The following HELZ variants were observed in gnomAD, a reference collection of about 807,000 sequenced individuals.
HELZ encodes the protein helicase with zinc finger, also known as ATP-dependent RNA helicase with zinc finger domain.
HELZ carries 23 observed loss-of-function variants against 218.2 expected under a neutral mutation model. The observed-to-expected ratio is 0.11, with a 90% CI of 0.08 to 0.15. The LOEUF (loss-of-function observed/expected upper bound fraction) is 0.15. HELZ is among the 10% of genes least tolerant of loss of function. HELZ has a pLI of 1.00. For synonymous variants in HELZ, 814 were observed against 829.4 expected, an observed-to-expected ratio of 0.98 and a Z score of 0.32; for missense variants, 1,813 against 2,353.7, an observed-to-expected ratio of 0.77 and a Z score of 4.75.
chr17:67,150,130 C>CTTTTTTTTTTTTTTTTTTTTTTTTT (rs11408678), intron 18 of HELZ, 145 bp from the exon 19 acceptor site: 30 of 180,124 alleles, frequency 1.7e-4, no homozygotes, highest in East Asian at 7.0e-4. Context: ...TATTTTCTTT[C>CTTTTTTTTTTTTTTTTTTTTTTTTT]TTTTTTTTTT....
At chr17:67,139,832 G>T (rs1268346509) in intron 21 of HELZ, among the ~76,000 whole-genome samples, 1 of 152,212 alleles carries the variant, frequency 6.6e-6, no homozygotes, top group African/African-American at 2.4e-5. Flanking sequence ...ACTTTTGGCA[G>T]CTGGTAAACA....
chr17:67,193,045 A>G (rs770748634), intron 9 of HELZ, among the ~76,000 whole-genome samples: 1 of 152,202 alleles, frequency 6.6e-6, no homozygotes, highest in Non-Finnish European at 1.5e-5. Context: ...TAAATTTCAC[A>G]TTAACAAATG....
At chr17:67,235,951 G>A (rs527696774) in intron 3 of HELZ, among the ~76,000 whole-genome samples, 34 of 151,986 alleles carry the variant, frequency 2.2e-4, no homozygotes, top group South Asian at 8.3e-4. Context: ...TAGAAGAGAC[G>A]GGGTTTCATC....
intron 20 of HELZ, among the ~76,000 whole-genome samples, chr17:67,147,672 G>A (rs80057219): frequency 0.038 from 5,664 of 150,710 alleles, 377 homozygotes; most frequent in African/African-American, 0.13. Context: ...GGTAGGAAGG[G>A]GGGGTCTTTC....
Position 67,179,460 on chromosome 17 carries a change from ACTG to A in HELZ, c.1163-537_1163-535del, listed in dbSNP as rs1451990486. 12 of 152,584 alleles carry A rather than the reference ACTG, an allele frequency of 7.9e-5. 1 individual carries two copies. The highest frequency in any genetic ancestry group is 1.4e-4 in the African/African-American group (6 of 41,460). The allele number at this position is 152,584 out of a possible 1,614,324, so 9.5% of individuals were successfully genotyped here. A position where few individuals can be genotyped will look rare whatever the true frequency, so the allele number is the denominator to read the frequency against. On this transcript the variant is annotated intron_variant, in intron 12 of 32. Transcript: ENST00000358691. ...CTTTTCGAAAATATTAATGTAAAAC[ACTG>A]CTAAGTCCTTATTAAAATGCAGTAC...
chr17:67,241,627 C>T (rs141902992), intron 2 of HELZ, among the ~76,000 whole-genome samples: 8 of 152,160 alleles, frequency 5.3e-5, no homozygotes, highest in Non-Finnish European at 1.2e-4. Context: ...AAATATATAC[C>T]AACTTTAAGA....
chr17:67,160,435 A>G, intron 16 of HELZ, 73 bp from the exon 17 acceptor site: 1 of 985,790 alleles, frequency 1.0e-6, no homozygotes, highest in South Asian at 1.4e-5. Flanking sequence ...ATACCAAAAA[A>G]AAAAGCAGTG....
intron 27 of HELZ, among the ~76,000 whole-genome samples, chr17:67,119,737 A>T (rs183085547): frequency 6.6e-4 from 100 of 152,302 alleles, no homozygotes; most frequent in African/African-American, 2.3e-3. Flanking sequence ...TTAGTACACC[A>T]CAAAAATATT....
chr17:67,214,767 C>A (rs1391639889), intron 5 of HELZ, among the ~76,000 whole-genome samples: 1 of 152,168 alleles, frequency 6.6e-6, no homozygotes, highest in African/African-American at 2.4e-5. Context: ...CTCCTAGATT[C>A]ATTCTAGTAA....
Position 67,109,224 on chromosome 17 carries a change from C to G in HELZ, c.4381G>C (p.Gly1461Arg). The G allele has an allele frequency of 1.2e-6, 2 of 1,614,110 alleles. No individual in the cohort carries two copies. The highest frequency in any genetic ancestry group is 1.7e-6 in the Non-Finnish European group (2 of 1,180,022). ...EQQPPPMLQE[G>R]HSPLRAIAQP... The stretch of plus-strand genomic sequence containing the variant: ...GCAATGGCTCTCAGAGGACTGTGGC[C>G]TTCTTGCAGCATGGGAGGGGGCTGC... Residue 1461 changes from glycine (G) to arginine (R), a missense_variant, in exon 29 of 33, where the codon GGC becomes CGC. Gly to Arg is a moderately radical substitution (Grantham distance 125). Coordinates refer to ENST00000358691, the MANE Select transcript of HELZ (RefSeq NM_014877.4).
At chr17:67,132,358 C>T (rs552564232) in intron 23 of HELZ, among the ~76,000 whole-genome samples, 3 of 152,266 alleles carry the variant, frequency 2.0e-5, no homozygotes, top group African/African-American at 4.8e-5. Flanking sequence ...CTTCTCCAAA[C>T]GCCTTGGTTT....
intron 5 of HELZ, among the ~76,000 whole-genome samples, chr17:67,210,324 T>C (rs919853398): frequency 6.6e-6 from 1 of 152,254 alleles, no homozygotes; most frequent in Admixed American, 6.5e-5. Context: ...CCTATCAATT[T>C]GCCTTTTCTA....
At chr17:67,099,652 C>A (rs572533086) in intron 31 of HELZ, among the ~76,000 whole-genome samples, 1 of 152,204 alleles carries the variant, frequency 6.6e-6, no homozygotes, top group East Asian at 1.9e-4. Flanking sequence ...TGAGTAAAAA[C>A]TCCTAATTTG....
intron 31 of HELZ, among the ~76,000 whole-genome samples, chr17:67,100,169 T>G (rs902461208): frequency 6.6e-6 from 1 of 152,088 alleles, no homozygotes; most frequent in Admixed American, 6.6e-5. Flanking sequence ...AAAAGAGAAA[T>G]TGGGGGAGTC....
intron 5 of HELZ, among the ~76,000 whole-genome samples, chr17:67,208,469 T>C (rs1286997640): frequency 6.6e-6 from 1 of 152,136 alleles, no homozygotes; most frequent in African/African-American, 2.4e-5. Flanking sequence ...GGAAAGTAGG[T>C]GAAGGGTACG....
rs1049325542 is a variant in HELZ at position 67,072,906 on chromosome 17, C to T, written c.*5346G>A. 2 of 152,204 alleles carry T rather than the reference C, an allele frequency of 1.3e-5. No individual in the cohort carries two copies. Among genetic ancestry groups the T allele is most frequent in the East Asian group, 1.9e-4 (1 of 5,190 alleles). The allele number at this position is 152,204 out of a possible 1,614,324, so 9.4% of individuals were successfully genotyped here. ...GTTCCTGGACTGGCAGCATCAGCAT[C>T]GCCTGGAAACTTGTTGGAAATGCAA... is the stretch of plus-strand genomic sequence containing the variant. On this transcript the variant is annotated 3_prime_UTR_variant, in exon 33 of 33. Transcript: ENST00000358691.
chr17:67,109,420 T>C lies in HELZ; in HGVS notation c.4185A>G (p.Pro1395=). Residue 1395 remains proline (P), a synonymous_variant, in exon 29 of 33, where the codon CCA becomes CCG. Transcript: ENST00000358691. ...GCTGGACTACCTGATTTGGCTGAGG[T>C]GGTATCTGATTTGGTTGTTCAGGCA... The part of the protein sequence containing the change: ...NNLPEQPNQI[P]PQPNQVVQQQ... 2 of 1,614,046 alleles carry C rather than the reference T, an allele frequency of 1.2e-6. No individual in the cohort carries two copies. The highest frequency in any genetic ancestry group is 1.7e-6 in the Non-Finnish European group (2 of 1,179,998).
Position 67,077,090 on chromosome 17 carries a change from G to A in HELZ, c.*1162C>T, listed in dbSNP as rs2036037280. 6.6e-6 allele frequency: 1 copy of A among 152,106 alleles called. No homozygotes were observed. Among genetic ancestry groups the A allele is most frequent in the Non-Finnish European group, 1.5e-5 (1 of 67,996 alleles). 9.4% of individuals were successfully genotyped at this position (152,106 alleles called of 1,614,324 possible). Reference sequence around the variant, plus strand: ...TATATTGTGTACAAGTTCAATAAGGGGTATTTTAGAAGAATTGAAAGACAT... The same window carrying A: ...TATATTGTGTACAAGTTCAATAAGGAGTATTTTAGAAGAATTGAAAGACAT... On this transcript the variant is annotated 3_prime_UTR_variant, in exon 33 of 33. Coordinates refer to ENST00000358691, the MANE Select transcript of HELZ (RefSeq NM_014877.4).
At chr17:67,086,645 T>TAAATATAA (rs1567788004) in intron 32 of HELZ, among the ~76,000 whole-genome samples, 184 bp downstream of exon 32, 27 of 133,948 alleles carry the variant, frequency 2.0e-4, no homozygotes, top group Non-Finnish European at 3.5e-4. Context: ...TATATATATA[T>TAAATATAA]ATATATATAT....
Sources: allele counts gnomAD v4.1 joint callset (sites outside exome capture counted in the v4.1 genomes callset), GRCh38; gene constraint gnomAD v4.1.1; transcripts MANE v1.5; gene names NCBI Gene and HGNC (gene_info 2026-07-23, HGNC 2026-07-21).